The following STAU2 variants were observed in gnomAD, a reference collection of about 807,000 sequenced individuals.
STAU2 encodes staufen double-stranded RNA binding protein 2, also known as double-stranded RNA-binding protein Staufen homolog 2.
A neutral mutation model predicts 65.9 loss-of-function variants in STAU2; 20 were observed. The observed-to-expected ratio is 0.30, with a 90% CI of 0.21 to 0.44. The LOEUF (loss-of-function observed/expected upper bound fraction) is 0.44. Ranked by LOEUF, STAU2 falls within the 20% of genes least tolerant of loss-of-function variation. STAU2 has a pLI of 1.00. For missense variants in STAU2, 558 were observed against 683.9 expected (o/e 0.82, Z 2.05); for synonymous variants, 232 against 233.9 (o/e 0.99, Z 0.07).
intron 13 of STAU2, among the ~76,000 whole-genome samples, chr8:73,453,585 G>C (rs1226409608): frequency 6.6e-6 from 1 of 152,174 alleles, no homozygotes; most frequent in South Asian, 2.1e-4. Flanking sequence ...AAACCAAACT[G>C]GTGAAAATTG....
In STAU2 at chr8:73,613,846, G is replaced by A. The variant is rs28728027; in HGVS notation, c.789C>T (p.Arg263=). The part of the protein sequence containing the change: ...EGNSKKLSKK[R]AATTVLQELK... Reference sequence around the variant, plus strand: ...GCTCCTGTAAGACGGTGGTCGCAGCGCGCTTCTTGGAGAGTTTTTTGCTAT... The same window carrying A: ...GCTCCTGTAAGACGGTGGTCGCAGCACGCTTCTTGGAGAGTTTTTTGCTAT... Residue 263 remains arginine, a synonymous_variant, in exon 9 of 15, where the codon CGC becomes CGT. Transcript: ENST00000524300. 1,804 of 1,613,588 alleles carry A rather than the reference G, an allele frequency of 1.1e-3. 6 individuals carry two copies. In the African/African-American group the frequency reaches 0.018, roughly 16 times the overall value.
intron 6 of STAU2, among the ~76,000 whole-genome samples, chr8:73,628,656 T>C (rs1272269918): frequency 6.6e-6 from 1 of 152,146 alleles, no homozygotes; most frequent in African/African-American, 2.4e-5. Flanking sequence ...TATCTCTCCA[T>C]TAAGTCCACA....
chr8:73,450,950 T>C (rs17290997), intron 13 of STAU2, among the ~76,000 whole-genome samples: 2,031 of 152,320 alleles, frequency 0.013, 21 homozygotes, highest in South Asian at 0.026. Flanking sequence ...TCTTTTAGGA[T>C]GTTTGTGTAT....
chr8:73,460,723 A>G (rs941946583), intron 13 of STAU2, among the ~76,000 whole-genome samples: 5 of 152,230 alleles, frequency 3.3e-5, no homozygotes, highest in Admixed American at 3.3e-4. Context: ...CTGGAATGAC[A>G]GCCATAATTA....
At chr8:73,646,449 C>T (rs1269642835) in intron 6 of STAU2, among the ~76,000 whole-genome samples, 1 of 152,122 alleles carries the variant, frequency 6.6e-6, no homozygotes, top group African/African-American at 2.4e-5. Flanking sequence ...TGTCTTTACA[C>T]AAAGGTGAAA....
chr8:73,554,388 G>GT (rs1179634883), intron 12 of STAU2, among the ~76,000 whole-genome samples: 1 of 152,206 alleles, frequency 6.6e-6, no homozygotes, highest in African/African-American at 2.4e-5. Context: ...GCCATGTCCT[G>GT]TCAGCACTCT....
intron 13 of STAU2, among the ~76,000 whole-genome samples, chr8:73,489,842 A>G (rs1439427089): frequency 1.3e-5 from 2 of 152,028 alleles, no homozygotes; most frequent in African/African-American, 4.8e-5. Flanking sequence ...GAGCATTAAC[A>G]TGTACTCACA....
intron 13 of STAU2, among the ~76,000 whole-genome samples, chr8:73,429,591 C>T (rs1026760205): frequency 1.4e-4 from 21 of 151,152 alleles, no homozygotes; most frequent in South Asian, 6.3e-4. Flanking sequence ...CACCACCATA[C>T]CTGGCTAAAT....
At chr8:73,717,429 G>T (rs1195933975) in intron 3 of STAU2, among the ~76,000 whole-genome samples, 1 of 152,118 alleles carries the variant, frequency 6.6e-6, no homozygotes, top group East Asian at 1.9e-4. Context: ...AAGCCATTTT[G>T]AGTTAGTTTT....
At chr8:73,432,377 A>C (rs950454720) in intron 13 of STAU2, among the ~76,000 whole-genome samples, 2 of 152,254 alleles carry the variant, frequency 1.3e-5, no homozygotes, top group Non-Finnish European at 1.5e-5. Flanking sequence ...TCATCCCAGC[A>C]ATCTCTGATA....
intron 13 of STAU2, among the ~76,000 whole-genome samples, chr8:73,443,967 C>T (rs542613343): frequency 6.6e-6 from 1 of 152,268 alleles, no homozygotes; most frequent in Non-Finnish European, 1.5e-5. Context: ...GTAGGTGTTC[C>T]TGGGCAGTAG....
At chr8:73,715,451 CAAA>C (rs35959123) in intron 3 of STAU2, among the ~76,000 whole-genome samples, 1 of 123,868 alleles carries the variant, frequency 8.1e-6, no homozygotes, top group Non-Finnish European at 1.6e-5. Flanking sequence ...GTGAGACTGT[CAAA>C]AAAAAAAAAA....
intron 13 of STAU2, among the ~76,000 whole-genome samples, chr8:73,534,332 A>G (rs1176483315): frequency 1.3e-5 from 2 of 152,228 alleles, no homozygotes; most frequent in Non-Finnish European, 2.9e-5. Flanking sequence ...CCCAAATCTT[A>G]AGACAAAATA....
intron 5 of STAU2, among the ~76,000 whole-genome samples, chr8:73,675,112 C>T (rs1817944399): frequency 6.6e-6 from 1 of 151,550 alleles, no homozygotes; most frequent in Non-Finnish European, 1.5e-5. Context: ...ACCACAGTGG[C>T]ATAAAATTGG....
intron 13 of STAU2, among the ~76,000 whole-genome samples, chr8:73,447,244 A>T (rs1818516782): frequency 6.6e-6 from 1 of 152,184 alleles, no homozygotes; most frequent in African/African-American, 2.4e-5. Context: ...GCAACCAGCC[A>T]ATTATTATAT....
chr8:73,657,683 A>C (rs2130291895), intron 6 of STAU2, among the ~76,000 whole-genome samples: 1 of 152,238 alleles, frequency 6.6e-6, no homozygotes, highest in Non-Finnish European at 1.5e-5. Context: ...TACTGTCTTT[A>C]CCAGGTTTAG....
chr8:73,484,235 G>T (rs757543367), intron 13 of STAU2, among the ~76,000 whole-genome samples: 7 of 152,120 alleles, frequency 4.6e-5, no homozygotes, highest in Non-Finnish European at 1.0e-4. Flanking sequence ...TCAAAAATTT[G>T]ATATTTATGA....
chr8:73,632,374 T>C (rs977910433), intron 6 of STAU2, among the ~76,000 whole-genome samples: 1 of 152,022 alleles, frequency 6.6e-6, no homozygotes, highest in Non-Finnish European at 1.5e-5. Context: ...CCAGTGTATA[T>C]AAGGTTCCTT....
chr8:73,562,649 A>G (rs1302746037), intron 12 of STAU2, among the ~76,000 whole-genome samples: 3 of 152,240 alleles, frequency 2.0e-5, no homozygotes. Flanking sequence ...CTTAGGATGA[A>G]AGAACTTAAC....
Sources: allele counts gnomAD v4.1 joint callset (sites outside exome capture counted in the v4.1 genomes callset), GRCh38; gene constraint gnomAD v4.1.1; transcripts MANE v1.5; gene names NCBI Gene and HGNC (gene_info 2026-07-23, HGNC 2026-07-21).